THSD7B: variants seen among roughly 807,000 people sequenced by gnomAD.
The protein encoded by THSD7B is thrombospondin type-1 domain-containing protein 7B.
In THSD7B, 138 loss-of-function variants were observed where a neutral mutation model predicts 213.6. The ratio of observed to expected loss-of-function variants is 0.65; its 90% CI spans 0.56 to 0.74. THSD7B has a LOEUF of 0.74. THSD7B is among the 30% of genes least tolerant of loss of function. The pLI, the probability that THSD7B is intolerant of heterozygous loss-of-function variation, is 0.00. For missense variants in THSD7B, 1,931 were observed against 1,991.5 expected (o/e 0.97, Z 0.58); for synonymous variants, 742 against 687.0 (o/e 1.08, Z -1.25).
At chr2:136,783,611 T>C (rs2104908309) in intron 1 of THSD7B, among the ~76,000 whole-genome samples, 1 of 151,110 alleles carries the variant, frequency 6.6e-6, no homozygotes, top group South Asian at 2.1e-4. Flanking sequence ...CTAAGGGAGG[T>C]AGAGAGGCTA....
chr2:136,950,389 A>G (rs963309737), intron 2 of THSD7B, among the ~76,000 whole-genome samples: 1 of 152,214 alleles, frequency 6.6e-6, no homozygotes, highest in African/African-American at 2.4e-5. Flanking sequence ...ATATGTAGCA[A>G]ACCTGCACGT....
At chr2:137,462,863 A>G (rs573852331) in intron 15 of THSD7B, among the ~76,000 whole-genome samples, 1 of 151,736 alleles carries the variant, frequency 6.6e-6, no homozygotes, top group South Asian at 2.1e-4. Flanking sequence ...TTAAGTGAAT[A>G]GGTACAAATT....
intron 13 of THSD7B, among the ~76,000 whole-genome samples, chr2:137,407,932 A>C (rs1014016976): frequency 3.3e-5 from 5 of 150,514 alleles, no homozygotes; most frequent in African/African-American, 7.3e-5. Context: ...ATTATATGAG[A>C]TATAATATAT....
chr2:137,557,164 A>C (rs1033948083), intron 15 of THSD7B, among the ~76,000 whole-genome samples: 8 of 152,190 alleles, frequency 5.3e-5, no homozygotes, highest in Non-Finnish European at 1.0e-4. Context: ...ATATCCAGGA[A>C]TTGAACTCAG....
intron 15 of THSD7B, among the ~76,000 whole-genome samples, chr2:137,498,817 G>A (rs889158584): frequency 3.3e-5 from 5 of 152,132 alleles, no homozygotes; most frequent in African/African-American, 9.7e-5. Context: ...CCCTGAGAGA[G>A]CAGAGGCCTA....
At chr2:137,454,693 A>G (rs1027128038) in intron 15 of THSD7B, among the ~76,000 whole-genome samples, 3 of 152,068 alleles carry the variant, frequency 2.0e-5, no homozygotes, top group African/African-American at 7.2e-5. Flanking sequence ...ATTTATGGCA[A>G]TTCTTTAGAG....
chr2:137,558,166 C>T (rs1681024255), intron 15 of THSD7B, among the ~76,000 whole-genome samples: 1 of 152,150 alleles, frequency 6.6e-6, no homozygotes, highest in Admixed American at 6.5e-5. Context: ...CCTTCTGAAA[C>T]TATTCCAATC....
intron 3 of THSD7B, among the ~76,000 whole-genome samples, chr2:137,065,791 C>T (rs1227092376): frequency 6.6e-6 from 1 of 152,126 alleles, no homozygotes; most frequent in Non-Finnish European, 1.5e-5. Context: ...ACACTATATA[C>T]ACTTCACAGG....
At chr2:137,434,722 G>C (rs1441083435) in intron 14 of THSD7B, among the ~76,000 whole-genome samples, 47 of 152,112 alleles carry the variant, frequency 3.1e-4, no homozygotes, top group Non-Finnish European at 5.9e-5. Flanking sequence ...GATACTTCAG[G>C]CTACAGTGAT....
At chr2:136,921,496 A>T (rs567165481) in intron 2 of THSD7B, among the ~76,000 whole-genome samples, 1 of 151,908 alleles carries the variant, frequency 6.6e-6, no homozygotes, top group Admixed American at 6.5e-5. Flanking sequence ...GGCATAGGCT[A>T]TGTAAGATGT....
At chr2:136,860,119 G>A (rs1042110654) in intron 1 of THSD7B, among the ~76,000 whole-genome samples, 1 of 146,476 alleles carries the variant, frequency 6.8e-6, no homozygotes, top group African/African-American at 2.5e-5. Context: ...CCGGGTTCAC[G>A]CCATTCTCCT....
intron 2 of THSD7B, among the ~76,000 whole-genome samples, chr2:137,002,545 G>T (rs1396938366): frequency 6.6e-6 from 1 of 152,072 alleles, no homozygotes. Context: ...TTCCCCCTCA[G>T]TTATTTTATG....
chr2:137,434,207 T>A (rs973271086), intron 14 of THSD7B, among the ~76,000 whole-genome samples: 1 of 152,196 alleles, frequency 6.6e-6, no homozygotes, highest in African/African-American at 2.4e-5. Flanking sequence ...CTCTAGCTCT[T>A]TACATTTGTT....
At chr2:137,289,299 AAAAAG>A (rs1224550116) in intron 12 of THSD7B, among the ~76,000 whole-genome samples, 1 of 151,972 alleles carries the variant, frequency 6.6e-6, no homozygotes, top group East Asian at 1.9e-4. Flanking sequence ...AAAAAAAAGA[AAAAAG>A]AAATCCTCAG....
At chr2:137,279,482 A>G (rs1190357138) in intron 12 of THSD7B, among the ~76,000 whole-genome samples, 1 of 152,144 alleles carries the variant, frequency 6.6e-6, no homozygotes, top group Non-Finnish European at 1.5e-5. Context: ...GGCTGAGGCT[A>G]CAGTGAGCTG....
intron 7 of THSD7B, among the ~76,000 whole-genome samples, chr2:137,171,525 T>A (rs1680252497): frequency 6.6e-6 from 1 of 152,206 alleles, no homozygotes; most frequent in African/African-American, 2.4e-5. Flanking sequence ...GGTAGGTTAT[T>A]TGAAATGAAA....
chr2:136,908,915 T>G (rs1221097003), intron 2 of THSD7B, among the ~76,000 whole-genome samples: 2 of 152,128 alleles, frequency 1.3e-5, no homozygotes, highest in Non-Finnish European at 1.5e-5. Flanking sequence ...GCGCGGTGGC[T>G]AACACCTGTA....
chr2:137,314,108 A>T (rs1386647546), intron 12 of THSD7B, among the ~76,000 whole-genome samples: 1 of 152,190 alleles, frequency 6.6e-6, no homozygotes, highest in Non-Finnish European at 1.5e-5. Context: ...GTGTTTTCCA[A>T]CTTGGTTCCA....
At chr2:136,911,380 A>G (rs866328072) in intron 2 of THSD7B, among the ~76,000 whole-genome samples, 1 of 152,150 alleles carries the variant, frequency 6.6e-6, no homozygotes, top group East Asian at 1.9e-4. Context: ...TTTCTTTCTA[A>G]TAAAAACCTT....
Sources: allele counts gnomAD v4.1 joint callset (sites outside exome capture counted in the v4.1 genomes callset), GRCh38; gene constraint gnomAD v4.1.1; transcripts MANE v1.5; gene names NCBI Gene and HGNC (gene_info 2026-07-23, HGNC 2026-07-21).